XKR6: variants seen among roughly 807,000 people sequenced by gnomAD.
XKR6 encodes the protein XK-related protein 6.
A neutral mutation model predicts 56.7 loss-of-function variants in XKR6; 22 were observed. The ratio of observed to expected loss-of-function variants is 0.39; its 90% CI spans 0.28 to 0.55. The LOEUF is 0.55. Among genes scored for constraint, XKR6 ranks in the 20% least tolerant of loss-of-function variants. XKR6 has a pLI of 0.66. For synonymous variants in XKR6, 524 were observed against 387.8 expected (o/e 1.35, Z -4.13); for missense variants, 852 against 889.0 (o/e 0.96, Z 0.53).
chr8:10,952,248 G>C (rs1418580156), intron 1 of XKR6, among the ~76,000 whole-genome samples: 1 of 152,104 alleles, frequency 6.6e-6, no homozygotes, highest in African/African-American at 2.4e-5. Flanking sequence ...TGAAGTGATT[G>C]GGTAATGGGG....
intron 1 of XKR6, among the ~76,000 whole-genome samples, chr8:10,948,839 A>C (rs1023934862): frequency 1.3e-5 from 2 of 152,204 alleles, no homozygotes; most frequent in East Asian, 3.9e-4. Flanking sequence ...CCTCCCTGGG[A>C]AACAGGCTCA....
chr8:10,991,440 A>T (rs55661112), intron 1 of XKR6, among the ~76,000 whole-genome samples: 28,102 of 152,132 alleles, frequency 0.18, 3,855 homozygotes, highest in African/African-American at 0.39. Flanking sequence ...GAGGATAGTT[A>T]TGATTCAGAA....
chr8:11,120,846 C>T (rs931056729), intron 1 of XKR6, among the ~76,000 whole-genome samples: 13 of 152,234 alleles, frequency 8.5e-5, no homozygotes, highest in African/African-American at 2.6e-4. Context: ...GAGATATAGA[C>T]CAATGGAACA....
chr8:11,087,360 G>C (rs932176087), intron 1 of XKR6, among the ~76,000 whole-genome samples: 1 of 152,182 alleles, frequency 6.6e-6, no homozygotes, highest in Non-Finnish European at 1.5e-5. Flanking sequence ...CCTCGGGGAA[G>C]GGCACTGACC....
intron 1 of XKR6, among the ~76,000 whole-genome samples, chr8:11,115,066 A>G (rs1404835498): frequency 6.6e-6 from 1 of 152,124 alleles, no homozygotes; most frequent in Non-Finnish European, 1.5e-5. Flanking sequence ...AGTCTGGGCT[A>G]TGATGCTAAG....
intron 1 of XKR6, among the ~76,000 whole-genome samples, chr8:11,022,392 C>T (rs1462591879): frequency 6.6e-6 from 1 of 152,074 alleles, no homozygotes; most frequent in East Asian, 1.9e-4. Flanking sequence ...TGCAGCGACC[C>T]AAAACTCTCT....
intron 1 of XKR6, among the ~76,000 whole-genome samples, chr8:10,995,613 G>A (rs1179489018): frequency 1.3e-5 from 2 of 150,892 alleles, no homozygotes; most frequent in African/African-American, 4.9e-5. Context: ...ACTTGAGCCT[G>A]GGAGGTTGAG....
intron 1 of XKR6, among the ~76,000 whole-genome samples, chr8:10,999,715 T>C (rs1423531987): frequency 6.6e-6 from 1 of 152,234 alleles, no homozygotes; most frequent in African/African-American, 2.4e-5. Flanking sequence ...TCTGCAGATG[T>C]GACCAAACAA....
intron 1 of XKR6, among the ~76,000 whole-genome samples, chr8:11,071,342 G>C (rs13265533): frequency 0.36 from 55,240 of 152,034 alleles, 11,710 homozygotes; most frequent in African/African-American, 0.58. Flanking sequence ...TGGGTTCAAG[G>C]GACTCTCGTG....
intron 1 of XKR6, among the ~76,000 whole-genome samples, chr8:10,949,063 C>G (rs1801636538): frequency 6.6e-6 from 1 of 152,240 alleles, no homozygotes; most frequent in Non-Finnish European, 1.5e-5. Context: ...ACGCTGTCCT[C>G]TCCTGTCAAT....
chr8:10,947,814 C>T (rs887675781), intron 1 of XKR6, among the ~76,000 whole-genome samples: 1 of 152,204 alleles, frequency 6.6e-6, no homozygotes, highest in African/African-American at 2.4e-5. Flanking sequence ...CTCAGTTCTT[C>T]CCTCATTCTG....
At chr8:11,076,433 TG>T in intron 1 of XKR6, among the ~76,000 whole-genome samples, 1 of 152,282 alleles carries the variant, frequency 6.6e-6, no homozygotes, top group East Asian at 1.9e-4. Context: ...ATTTCCTGCC[TG>T]TTGGGTCCCA....
In XKR6 at chr8:11,083,373, A is replaced by T. The variant is rs1381155629; in HGVS notation, c.764+117203T>A. ...CCAGATTACAAGGAAAGCTCTGGGGATGCACAACCTGAAAGGCAGCTGGGA... is the reference window on the plus strand; with the variant it reads ...CCAGATTACAAGGAAAGCTCTGGGGTTGCACAACCTGAAAGGCAGCTGGGA... On this transcript the variant is annotated intron_variant, in intron 1 of 2. Transcript: ENST00000416569. 2.6e-5 allele frequency among the ~76,000 whole-genome samples: 4 copies of T among 152,160 alleles called. No individual in the cohort carries two copies. The East Asian group carries it at 7.7e-4, about 29-fold the overall frequency.
At chr8:11,011,840 T>A (rs1164613210) in intron 1 of XKR6, among the ~76,000 whole-genome samples, 1 of 152,160 alleles carries the variant, frequency 6.6e-6, no homozygotes, top group African/African-American at 2.4e-5. Flanking sequence ...CTGGGTCCAC[T>A]GCAGGGCAGC....
intron 1 of XKR6, among the ~76,000 whole-genome samples, chr8:10,993,007 T>C (rs1798027942): frequency 2.0e-5 from 3 of 152,212 alleles, no homozygotes; most frequent in Non-Finnish European, 4.4e-5. Context: ...GTCTGGTCTG[T>C]AGCAAACAAC....
At chr8:10,962,072 C>A (rs1277574082) in intron 1 of XKR6, among the ~76,000 whole-genome samples, 1 of 152,202 alleles carries the variant, frequency 6.6e-6, no homozygotes, top group Non-Finnish European at 1.5e-5. Context: ...CTTTGAAGTA[C>A]AATGAAAAGT....
At chr8:10,983,447 T>A (rs1477766438) in intron 1 of XKR6, among the ~76,000 whole-genome samples, 1 of 151,952 alleles carries the variant, frequency 6.6e-6, no homozygotes, top group Non-Finnish European at 1.5e-5. Context: ...TAGAAAAATA[T>A]AAATTACCAA....
At chr8:11,187,793 T>A (rs1803353697) in intron 1 of XKR6, among the ~76,000 whole-genome samples, 1 of 152,146 alleles carries the variant, frequency 6.6e-6, no homozygotes, top group Non-Finnish European at 1.5e-5. Flanking sequence ...AGAGCTTTAA[T>A]TCTAGTGAAA....
intron 1 of XKR6, among the ~76,000 whole-genome samples, chr8:11,022,071 GCTT>G (rs1798761045): frequency 6.6e-6 from 1 of 150,624 alleles, no homozygotes. Context: ...CCACTGGGGA[GCTT>G]TTTCAGAAAT....
Sources: gnomAD v4.1 joint callset for allele counts (sites outside exome capture counted in the v4.1 genomes callset) on GRCh38, gnomAD v4.1.1 for gene constraint, MANE v1.5 for transcripts, NCBI Gene and HGNC (gene_info 2026-07-23, HGNC 2026-07-21) for gene names.